Variants in AUTS2 observed in about 807,000 individuals in gnomAD.
AUTS2 encodes autism susceptibility gene 2 protein.
AUTS2 carries 17 observed loss-of-function variants against 112.4 expected under a neutral mutation model. The ratio of observed to expected loss-of-function variants is 0.15; its 90% CI spans 0.10 to 0.23. The LOEUF (loss-of-function observed/expected upper bound fraction) is 0.23. Among genes scored for constraint, AUTS2 ranks in the 10% least tolerant of loss-of-function variants. The pLI, the probability that AUTS2 is intolerant of heterozygous loss-of-function variation, is 1.00. For synonymous variants in AUTS2, 751 were observed against 702.7 expected (o/e 1.07, Z -1.09); for missense variants, 1,510 against 1,701.6 (o/e 0.89, Z 1.98).
intron 4 of AUTS2, among the ~76,000 whole-genome samples, chr7:70,251,297 C>T (rs1055707824): frequency 2.6e-5 from 4 of 152,084 alleles, no homozygotes; most frequent in Non-Finnish European, 5.9e-5. Flanking sequence ...AACTCCTGAC[C>T]TCATGATTTG....
At chr7:70,450,137 AT>A (rs1796471597) in intron 5 of AUTS2, among the ~76,000 whole-genome samples, 1 of 152,198 alleles carries the variant, frequency 6.6e-6, no homozygotes, top group South Asian at 2.1e-4. Flanking sequence ...TCTTTCACTC[AT>A]GTTTCATTCA....
At chr7:70,786,847 AT>A (rs1175826209) in intron 17 of AUTS2, 1 of 357,066 alleles carries the variant, frequency 2.8e-6, no homozygotes, top group Non-Finnish European at 5.3e-6. Flanking sequence ...TCAATTTAGA[AT>A]TGTTAATCCA....
intron 1 of AUTS2, among the ~76,000 whole-genome samples, chr7:69,613,308 G>A (rs1431613933): frequency 6.6e-6 from 1 of 152,192 alleles, no homozygotes; most frequent in Non-Finnish European, 1.5e-5. Flanking sequence ...GATTTAGGGA[G>A]GGGAGAGTAC....
At chr7:70,093,628 AC>A (rs1259267234) in intron 2 of AUTS2, among the ~76,000 whole-genome samples, 1 of 152,228 alleles carries the variant, frequency 6.6e-6, no homozygotes, top group African/African-American at 2.4e-5. Context: ...AAGGACATGT[AC>A]AGGTGAGCTG....
chr7:69,682,422 C>T (rs952921379), intron 1 of AUTS2, among the ~76,000 whole-genome samples: 14 of 147,958 alleles, frequency 9.5e-5, no homozygotes, highest in African/African-American at 3.5e-4. Context: ...TCTTCCTGAC[C>T]TCTTTGCCCA....
At chr7:69,617,906 A>C (rs1294410614) in intron 1 of AUTS2, among the ~76,000 whole-genome samples, 1 of 152,128 alleles carries the variant, frequency 6.6e-6, no homozygotes, top group East Asian at 1.9e-4. Flanking sequence ...CCAGTGCCAG[A>C]ATCACCACCA....
intron 5 of AUTS2, chr7:70,695,179 G>A: frequency 6.6e-6 from 1 of 152,516 alleles, no homozygotes; most frequent in Non-Finnish European, 1.5e-5. Flanking sequence ...CTCCCGTCTG[G>A]CGCGCCCAAG....
At chr7:70,460,261 G>A (rs1796906890) in intron 5 of AUTS2, among the ~76,000 whole-genome samples, 1 of 148,404 alleles carries the variant, frequency 6.7e-6, no homozygotes, top group African/African-American at 2.5e-5. Flanking sequence ...TTTCCCGGAA[G>A]TAGTGGAAGC....
chr7:70,624,097 T>C (rs1804817905), intron 5 of AUTS2, among the ~76,000 whole-genome samples: 1 of 152,226 alleles, frequency 6.6e-6, no homozygotes, highest in South Asian at 2.1e-4. Context: ...ACTTTAATGT[T>C]TATACCTTGG....
intron 2 of AUTS2, among the ~76,000 whole-genome samples, chr7:69,998,892 G>T (rs1426078260): frequency 6.6e-6 from 1 of 152,148 alleles, no homozygotes; most frequent in Non-Finnish European, 1.5e-5. Context: ...ATGGTTGCTG[G>T]AGGTAAGGGT....
intron 2 of AUTS2, among the ~76,000 whole-genome samples, chr7:69,962,956 G>T (rs1223962953): frequency 6.6e-6 from 1 of 152,134 alleles, no homozygotes; most frequent in African/African-American, 2.4e-5. Flanking sequence ...TACCTCTTCA[G>T]ACTCTCTTAA....
At chr7:70,178,934 G>A (rs1224394226) in intron 4 of AUTS2, among the ~76,000 whole-genome samples, 1 of 152,196 alleles carries the variant, frequency 6.6e-6, no homozygotes, top group Non-Finnish European at 1.5e-5. Flanking sequence ...GACTCATGAG[G>A]AAGTGTGTCT....
Position 70,492,038 on chromosome 7 carries a change from C to T in AUTS2, c.690+56257C>T, listed in dbSNP as rs530824223. 5.3e-5 allele frequency among the ~76,000 whole-genome samples: 8 copies of T among 152,280 alleles called. No homozygotes were observed. The East Asian group carries it at 1.4e-3, about 26-fold the overall frequency. On this transcript the variant is annotated intron_variant, in intron 5 of 18. Coordinates refer to ENST00000342771, the MANE Select transcript of AUTS2 (RefSeq NM_015570.4). ...CAGCCTTCCTGGCGCCTGTGTTCCTCAGGCTGACCACGCTGGATTCCTCTT... is the reference window on the plus strand; with the variant it reads ...CAGCCTTCCTGGCGCCTGTGTTCCTTAGGCTGACCACGCTGGATTCCTCTT...
intron 1 of AUTS2, among the ~76,000 whole-genome samples, chr7:69,611,668 C>T (rs1283116046): frequency 1.3e-5 from 2 of 152,046 alleles, no homozygotes; most frequent in African/African-American, 2.4e-5. Context: ...CGGTGGCTCA[C>T]GCCTGTAATC....
rs1795362704 is a variant in AUTS2 at position 69,911,623 on chromosome 7, C to T, written c.522+12125C>T. On this transcript the variant is annotated intron_variant, in intron 2 of 18. Coordinates refer to ENST00000342771, the MANE Select transcript of AUTS2 (RefSeq NM_015570.4). ...CAAGTGGGTAACTCCTTTCCACAGG[C>T]AGGTCATCCCTATGAGTGTCCAGCT... 2.0e-5 allele frequency among the ~76,000 whole-genome samples: 3 copies of T among 152,134 alleles called. No individual in the cohort carries two copies. The South Asian group carries it at 6.2e-4, about 32-fold the overall frequency.
At chr7:70,668,570 C>G (rs934324924) in intron 5 of AUTS2, among the ~76,000 whole-genome samples, 1 of 152,172 alleles carries the variant, frequency 6.6e-6, no homozygotes, top group East Asian at 1.9e-4. Flanking sequence ...TGTGTGATTG[C>G]GAACACCTTT....
intron 5 of AUTS2, among the ~76,000 whole-genome samples, chr7:70,565,695 A>T (rs773672985): frequency 6.6e-6 from 1 of 152,206 alleles, no homozygotes; most frequent in African/African-American, 2.4e-5. Flanking sequence ...CAAACAATCA[A>T]TAACTATGAA....
intron 5 of AUTS2, among the ~76,000 whole-genome samples, chr7:70,696,107 T>G (rs190984942): frequency 1.1e-4 from 17 of 152,096 alleles, no homozygotes; most frequent in African/African-American, 4.1e-4. Flanking sequence ...ATGATAAACA[T>G]CCCCAAGATT....
rs1040001264 is a variant in AUTS2 at position 70,432,091 on chromosome 7, C to T, written c.661-3661C>T. On this transcript the variant is annotated intron_variant, in intron 4 of 18. Coordinates refer to ENST00000342771, the MANE Select transcript of AUTS2 (RefSeq NM_015570.4). The stretch of plus-strand genomic sequence containing the variant: ...TGGAGGATATATTTTTAGCTTTTCA[C>T]AGCGGGCTCTGAAATCTTGTCATGG... Among the ~76,000 whole-genome samples, 5 of 152,212 alleles carry T rather than the reference C, an allele frequency of 3.3e-5. No homozygotes were observed. In the East Asian group the frequency reaches 7.7e-4, roughly 23 times the overall value.
Sources: allele counts gnomAD v4.1 joint callset (sites outside exome capture counted in the v4.1 genomes callset), GRCh38; gene constraint gnomAD v4.1.1; transcripts MANE v1.5; gene names NCBI Gene and HGNC (gene_info 2026-07-23, HGNC 2026-07-21).